FHIT: variants seen among roughly 807,000 people sequenced by gnomAD.
FHIT encodes the protein bis(5'-adenosyl)-triphosphatase.
Under a neutral mutation model 17.9 loss-of-function variants are expected in FHIT, and 19 were observed. That is an observed-to-expected ratio of 1.06 (90% CI 0.74 to 1.56). The LOEUF (loss-of-function observed/expected upper bound fraction) is 1.56, where lower values mean the gene tolerates loss of function less well. FHIT is among the 40% of genes most tolerant of loss of function. The pLI is 0.00. For synonymous variants in FHIT, 81 were observed against 69.7 expected (o/e 1.16, Z -0.81); for missense variants, 248 against 189.2 (o/e 1.31, Z -1.82).
At chr3:60,846,523 T>C (rs1702931917) in intron 3 of FHIT, among the ~76,000 whole-genome samples, 1 of 152,216 alleles carries the variant, frequency 6.6e-6, no homozygotes, top group African/African-American at 2.4e-5. Context: ...ACCTGTAGGG[T>C]GCAAGTTACA....
intron 5 of FHIT, among the ~76,000 whole-genome samples, chr3:60,233,641 T>C (rs1276251352): frequency 6.6e-6 from 1 of 152,178 alleles, no homozygotes; most frequent in African/African-American, 2.4e-5. Flanking sequence ...TTTTGAAAAA[T>C]AAGCTGATAT....
intron 5 of FHIT, among the ~76,000 whole-genome samples, chr3:60,033,565 G>A (rs1205469686): frequency 2.0e-5 from 3 of 152,098 alleles, no homozygotes; most frequent in Non-Finnish European, 4.4e-5. Context: ...GCCAATTAGG[G>A]AATTTTCGTA....
At chr3:60,271,195 T>C (rs1344074227) in intron 5 of FHIT, among the ~76,000 whole-genome samples, 1 of 151,690 alleles carries the variant, frequency 6.6e-6, no homozygotes, top group Non-Finnish European at 1.5e-5. Flanking sequence ...AGCTCAGGAG[T>C]TCAAGACCAG....
At chr3:60,759,597 G>A (rs550204127) in intron 4 of FHIT, among the ~76,000 whole-genome samples, 3 of 152,266 alleles carry the variant, frequency 2.0e-5, no homozygotes, top group South Asian at 4.2e-4. Flanking sequence ...GACCAAAAAG[G>A]CCAGTGTGGT....
chr3:60,457,497 A>T (rs1448092107), intron 5 of FHIT, among the ~76,000 whole-genome samples: 1 of 151,994 alleles, frequency 6.6e-6, no homozygotes. Context: ...AACCTAGGCA[A>T]TACCATTCAG....
intron 5 of FHIT, among the ~76,000 whole-genome samples, chr3:60,518,472 T>C (rs932324722): frequency 6.6e-6 from 1 of 152,178 alleles, no homozygotes; most frequent in Non-Finnish European, 1.5e-5. Flanking sequence ...AAAACCTAAT[T>C]CTTGAAGTTT....
intron 2 of FHIT, among the ~76,000 whole-genome samples, chr3:61,091,143 T>C (rs1201588894): frequency 2.0e-5 from 3 of 152,206 alleles, no homozygotes; most frequent in Non-Finnish European, 4.4e-5. Context: ...ACTTAACATT[T>C]TGCAGCTGGT....
intron 5 of FHIT, among the ~76,000 whole-genome samples, chr3:60,443,235 T>C (rs1483806317): frequency 6.6e-6 from 1 of 152,178 alleles, no homozygotes; most frequent in Non-Finnish European, 1.5e-5. Context: ...ACAATTTGAC[T>C]TCCTCTTTTC....
rs146189051 is a variant in FHIT, at chr3:60,032,546, T to C, written c.104-18394A>G. ...CAAAAAGGTGACTGAACCAAAAAGG[T>C]TAAGAACTCCTGCTTTGGATGAAAG... is the stretch of plus-strand genomic sequence containing the variant. On this transcript the variant is annotated intron_variant, in intron 5 of 9. Transcript: ENST00000492590. Among the ~76,000 whole-genome samples, 128 of 152,002 alleles carry C rather than the reference T, an allele frequency of 8.4e-4. 1 individual carries two copies. Among genetic ancestry groups the C allele is most frequent in the African/African-American group, 2.9e-3 (122 of 41,460 alleles).
intron 2 of FHIT, among the ~76,000 whole-genome samples, chr3:61,136,332 C>T (rs959959632): frequency 6.7e-6 from 1 of 150,078 alleles, no homozygotes; most frequent in African/African-American, 2.4e-5. Context: ...TGGGCATTTG[C>T]CACAACCAAG....
intron 3 of FHIT, among the ~76,000 whole-genome samples, chr3:60,950,167 GA>G (rs1245140217): frequency 2.0e-4 from 30 of 152,318 alleles, no homozygotes; most frequent in African/African-American, 6.3e-4. Context: ...ACAAGAGTAT[GA>G]AATTGTCTAA....
At chr3:60,204,303 T>C (rs964400402) in intron 5 of FHIT, among the ~76,000 whole-genome samples, 1 of 152,156 alleles carries the variant, frequency 6.6e-6, no homozygotes, top group African/African-American at 2.4e-5. Flanking sequence ...AAGGTCTCAG[T>C]CTGTCACCCA....
intron 5 of FHIT, among the ~76,000 whole-genome samples, chr3:60,217,724 C>A (rs919924959): frequency 6.6e-6 from 1 of 152,128 alleles, no homozygotes; most frequent in Non-Finnish European, 1.5e-5. Flanking sequence ...CTCCATTATC[C>A]AAATGCATCA....
At chr3:59,754,067 C>G (rs955620785) in intron 8 of FHIT, among the ~76,000 whole-genome samples, 1 of 152,140 alleles carries the variant, frequency 6.6e-6, no homozygotes, top group Non-Finnish European at 1.5e-5. Context: ...AACTCTAAAT[C>G]TAACCTAGAG....
At chr3:59,995,243 G>T (rs142065787) in intron 7 of FHIT, among the ~76,000 whole-genome samples, 80 of 151,868 alleles carry the variant, frequency 5.3e-4, no homozygotes, top group African/African-American at 1.9e-3. Context: ...AAATTTAAAA[G>T]TTAACTTCAA....
At chr3:61,141,889 C>T (rs1404459910) in intron 2 of FHIT, among the ~76,000 whole-genome samples, 4 of 151,468 alleles carry the variant, frequency 2.6e-5, no homozygotes, top group African/African-American at 9.7e-5. Context: ...AAATCTGCAT[C>T]ACCGGGATGA....
At chr3:60,441,716 A>ATTTG (rs1478753585) in intron 5 of FHIT, among the ~76,000 whole-genome samples, 32 of 105,724 alleles carry the variant, frequency 3.0e-4, no homozygotes, top group South Asian at 1.2e-3. Context: ...ATATATATAT[A>ATTTG]TATATATTTG....
chr3:60,277,215 G>T (rs368715750), intron 5 of FHIT, among the ~76,000 whole-genome samples: 21 of 152,192 alleles, frequency 1.4e-4, no homozygotes, highest in African/African-American at 5.1e-4. Flanking sequence ...AAAATGTTTT[G>T]TGAGGGACAT....
chr3:60,377,535 G>T (rs1307845876), intron 5 of FHIT, among the ~76,000 whole-genome samples: 1 of 134,020 alleles, frequency 7.5e-6, no homozygotes, highest in East Asian at 2.1e-4. Context: ...ACTGCGGACT[G>T]CAGTGGCGCA....
Sources: allele counts gnomAD v4.1 joint callset (sites outside exome capture counted in the v4.1 genomes callset), GRCh38; gene constraint gnomAD v4.1.1; transcripts MANE v1.5; gene names NCBI Gene and HGNC (gene_info 2026-07-23, HGNC 2026-07-21).